RABGEF1: variants seen among roughly 807,000 people sequenced by gnomAD.
RABGEF1 encodes the protein RAB guanine nucleotide exchange factor 1, also known as rab5 GDP/GTP exchange factor.
RABGEF1 carries 26 observed loss-of-function variants against 57.3 expected under a neutral mutation model. The observed-to-expected ratio is 0.45, with a 90% CI of 0.33 to 0.63. The LOEUF (loss-of-function observed/expected upper bound fraction) is 0.63. Among genes scored for constraint, RABGEF1 ranks in the 20% least tolerant of loss-of-function variants. RABGEF1 has a pLI of 0.02. For missense variants in RABGEF1, 464 were observed against 607.6 expected (o/e 0.76, Z 2.48); for synonymous variants, 185 against 210.7 (o/e 0.88, Z 1.06).
chr7:66,672,311 A>G, the RABGEF1 span, among the ~76,000 whole-genome samples: 1 of 151,618 alleles, frequency 6.6e-6, no homozygotes, highest in African/African-American at 2.4e-5. Flanking sequence ...GGGCACCTGT[A>G]GTCCCAGCTA....
chr7:66,804,212 T>C (rs1221192038), intron 7 of RABGEF1, among the ~76,000 whole-genome samples: 8 of 152,028 alleles, frequency 5.3e-5, no homozygotes, highest in Non-Finnish European at 4.4e-5. Context: ...GCCTTTCCAG[T>C]AGTTGGGGCT....
intron 7 of RABGEF1, among the ~76,000 whole-genome samples, chr7:66,804,110 A>AT (rs1454656950): frequency 6.8e-6 from 1 of 146,012 alleles, no homozygotes; most frequent in Non-Finnish European, 1.5e-5. Flanking sequence ...TTTTAACAAG[A>AT]TTTTGCTCTG....
At chr7:66,722,960 GTTTCT>G (rs1490880589) in intron 2 of RABGEF1, among the ~76,000 whole-genome samples, 3 of 151,728 alleles carry the variant, frequency 2.0e-5, no homozygotes, top group Non-Finnish European at 2.9e-5. Context: ...TTTAATTACT[GTTTCT>G]TTTCTTTTTT....
At chr7:66,743,113 G>A (rs568688856) in intron 1 of RABGEF1, among the ~76,000 whole-genome samples, 1 of 152,138 alleles carries the variant, frequency 6.6e-6, no homozygotes, top group South Asian at 2.1e-4. Flanking sequence ...TTTGAGACCA[G>A]CCTGAGCAAC....
At chr7:66,694,821 C>T (rs1280869289) in intron 1 of RABGEF1, among the ~76,000 whole-genome samples, 1 of 152,096 alleles carries the variant, frequency 6.6e-6, no homozygotes, top group Non-Finnish European at 1.5e-5. Context: ...GCGTCAGGGC[C>T]CTTCTCTCAA....
intron 3 of RABGEF1, 105 bp from the exon 4 acceptor site, chr7:66,783,570 C>T (rs1339786773): frequency 9.6e-7 from 1 of 1,045,450 alleles, no homozygotes; most frequent in Non-Finnish European, 1.3e-6. Context: ...TCAAGTTTAA[C>T]TTTGATGAAA....
At chr7:66,686,111 C>T (rs1790586841) in intron 1 of RABGEF1, among the ~76,000 whole-genome samples, 1 of 152,028 alleles carries the variant, frequency 6.6e-6, no homozygotes, top group African/African-American at 2.4e-5. Flanking sequence ...GAAACCCCGT[C>T]TCTACTAAAA....
chr7:66,686,926 A>G (rs1428053468), intron 1 of RABGEF1, among the ~76,000 whole-genome samples: 2 of 149,864 alleles, frequency 1.3e-5, no homozygotes, highest in African/African-American at 2.5e-5. Flanking sequence ...GGTTCAAGCC[A>G]TTCTCCTGCC....
intron 2 of RABGEF1, among the ~76,000 whole-genome samples, chr7:66,716,515 C>T (rs928279050): frequency 2.6e-5 from 4 of 152,114 alleles, no homozygotes; most frequent in African/African-American, 7.2e-5. Context: ...GCATGAGGAT[C>T]GCTTGAACCT....
chr7:66,734,017 CAAAA>C (rs200131535), intron 2 of RABGEF1, among the ~76,000 whole-genome samples: 1 of 151,836 alleles, frequency 6.6e-6, no homozygotes, highest in Non-Finnish European at 1.5e-5. Context: ...AAACAAAAAA[CAAAA>C]AAAACCTCCT....
intron 3 of RABGEF1, among the ~76,000 whole-genome samples, chr7:66,783,278 T>A (rs1057337933): frequency 1.3e-5 from 2 of 152,238 alleles, no homozygotes; most frequent in Non-Finnish European, 2.9e-5. Flanking sequence ...TCATTTAACA[T>A]GTCAGTGCTT....
the RABGEF1 span, chr7:66,669,803 C>G: frequency 6.6e-6 from 1 of 152,410 alleles, no homozygotes; most frequent in African/African-American, 2.4e-5. Flanking sequence ...TACCTGGTGG[C>G]TCCGGCCAGA....
At chr7:66,733,975 A>T (rs562049059) in intron 2 of RABGEF1, among the ~76,000 whole-genome samples, 1 of 152,344 alleles carries the variant, frequency 6.6e-6, no homozygotes, top group South Asian at 2.1e-4. Context: ...ATTGCACTCC[A>T]GCCTGGGCGA....
At chr7:66,686,334 C>T (rs1790630605) in intron 1 of RABGEF1, among the ~76,000 whole-genome samples, 1 of 150,890 alleles carries the variant, frequency 6.6e-6, no homozygotes, top group South Asian at 2.1e-4. Context: ...CAGGCTGGTG[C>T]AGTGGCTTAT....
rs1481429042 is a variant in RABGEF1 at position 66,805,136 on chromosome 7, G to C, written c.821-4G>C. ...TGGGAAATATTGTCTTTTCTGCTTT[G>C]TAGATATCATTGAAATGGATTCCAA... On this transcript the variant is annotated splice_region_variant and splice_polypyrimidine_tract_variant and intron_variant, in intron 7 of 8. Transcript: ENST00000284957. 1.9e-6 allele frequency: 3 copies of C among 1,595,518 alleles called. No homozygotes were observed. Among genetic ancestry groups the C allele is most frequent in the Non-Finnish European group, 2.6e-6 (3 of 1,163,416 alleles).
At chr7:66,785,651 G>A (rs1810989897) in intron 4 of RABGEF1, among the ~76,000 whole-genome samples, 1 of 152,164 alleles carries the variant, frequency 6.6e-6, no homozygotes, top group South Asian at 2.1e-4. Context: ...GAGGCAGGCG[G>A]ATCACAAGGT....
Position 66,795,491 on chromosome 7 carries a change from T to C in RABGEF1, c.514-20T>C. 1.9e-6 allele frequency: 3 copies of C among 1,581,868 alleles called. No homozygotes were observed. Among genetic ancestry groups the C allele is most frequent in the Non-Finnish European group, 2.6e-6 (3 of 1,150,692 alleles). ...GCACTTTGTTCAGCTACAAGCAGCC[T>C]CTTTGTCTCTCTGTTTCAGGATCTA... On this transcript the variant is annotated intron_variant, in intron 4 of 8. Coordinates refer to ENST00000284957, the MANE Select transcript of RABGEF1 (RefSeq NM_014504.3).
chr7:66,716,346 T>G (rs1584895071), intron 2 of RABGEF1, among the ~76,000 whole-genome samples: 1 of 152,220 alleles, frequency 6.6e-6, no homozygotes, highest in East Asian at 1.9e-4. Flanking sequence ...ATGCGTGTAA[T>G]CCCAGCACTT....
At chr7:66,766,756 A>G in intron 1 of RABGEF1, among the ~76,000 whole-genome samples, 1 of 151,350 alleles carries the variant, frequency 6.6e-6, no homozygotes, top group Admixed American at 6.6e-5. Flanking sequence ...ACAGGGTTTC[A>G]CTCTGTTGCG....
Sources: allele counts gnomAD v4.1 joint callset (sites outside exome capture counted in the v4.1 genomes callset), GRCh38; gene constraint gnomAD v4.1.1; transcripts MANE v1.5; gene names NCBI Gene and HGNC (gene_info 2026-07-23, HGNC 2026-07-21).